NXPE2: variants seen among roughly 807,000 people sequenced by gnomAD.
The protein encoded by NXPE2 is neurexophilin and PC-esterase domain family member 2.
Under a neutral mutation model 34.4 loss-of-function variants are expected in NXPE2, and 34 were observed. That is an observed-to-expected ratio of 0.99 (90% CI 0.75 to 1.31). The LOEUF (loss-of-function observed/expected upper bound fraction) is 1.31, where lower values mean the gene tolerates loss of function less well. NXPE2 is among the 40% of genes most tolerant of loss of function. The pLI is 0.00. For synonymous variants in NXPE2, 235 were observed against 231.3 expected (o/e 1.02, Z -0.15); for missense variants, 649 against 672.5 (o/e 0.97, Z 0.39).
At chr11:114,607,901 C>G in the NXPE2 span, among the ~76,000 whole-genome samples, 1 of 151,962 alleles carries the variant, frequency 6.6e-6, no homozygotes, top group Admixed American at 6.6e-5. Flanking sequence ...CGTGGGTAAC[C>G]ACAGTTACCC....
At chr11:114,712,275 A>C in the NXPE2 span, among the ~76,000 whole-genome samples, 4 of 152,192 alleles carry the variant, frequency 2.6e-5, no homozygotes, top group African/African-American at 4.8e-5. Context: ...ACAAAATAAA[A>C]AAACAAACAA....
chr11:114,621,156 C>G, the NXPE2 span, among the ~76,000 whole-genome samples: 74 of 152,260 alleles, frequency 4.9e-4, no homozygotes, highest in African/African-American at 1.8e-3. Flanking sequence ...AACACTGTTA[C>G]CCAGTGGATA....
At chr11:114,662,350 G>C in the NXPE2 span, among the ~76,000 whole-genome samples, 4 of 152,132 alleles carry the variant, frequency 2.6e-5, no homozygotes, top group African/African-American at 9.7e-5. Context: ...ATTTAAACCA[G>C]CCCTAGCCAG....
At chr11:114,695,900 C>T (rs1468111055) in intron 2 of NXPE2, among the ~76,000 whole-genome samples, 1 of 149,948 alleles carries the variant, frequency 6.7e-6, no homozygotes, top group Non-Finnish European at 1.5e-5. Flanking sequence ...CACCTGTAAT[C>T]CCAGCTACTC....
At chr11:114,791,259 T>G in the NXPE2 span, among the ~76,000 whole-genome samples, 1 of 152,102 alleles carries the variant, frequency 6.6e-6, no homozygotes, top group South Asian at 2.1e-4. Flanking sequence ...TCTTACAGAC[T>G]CTTTAAAATG....
At chr11:114,505,192 A>G in the NXPE2 span, among the ~76,000 whole-genome samples, 2 of 152,132 alleles carry the variant, frequency 1.3e-5, no homozygotes, top group Admixed American at 6.5e-5. Context: ...AAAAAAAAGG[A>G]ATGAACAAAA....
chr11:114,563,279 C>T, the NXPE2 span, among the ~76,000 whole-genome samples: 3 of 152,184 alleles, frequency 2.0e-5, no homozygotes, highest in Non-Finnish European at 2.9e-5. Context: ...ACTAATCCCT[C>T]ATCTCTCTTT....
At chr11:114,726,335 A>C in the NXPE2 span, among the ~76,000 whole-genome samples, 1 of 151,968 alleles carries the variant, frequency 6.6e-6, no homozygotes, top group Non-Finnish European at 1.5e-5. Context: ...TAATATGCTT[A>C]GGAAATTTTC....
At chr11:114,615,204 C>A in the NXPE2 span, among the ~76,000 whole-genome samples, 1 of 151,948 alleles carries the variant, frequency 6.6e-6, no homozygotes, top group African/African-American at 2.4e-5. Flanking sequence ...CCACTGTTAG[C>A]CGGTGGATAC....
the NXPE2 span, among the ~76,000 whole-genome samples, chr11:114,803,879 C>A: frequency 1.3e-5 from 2 of 152,134 alleles, no homozygotes; most frequent in Non-Finnish European, 2.9e-5. Context: ...TGCCCGCCCC[C>A]CTCAGGTCTC....
chr11:114,715,160 T>C, the NXPE2 span, among the ~76,000 whole-genome samples: 1 of 152,212 alleles, frequency 6.6e-6, no homozygotes, highest in Non-Finnish European at 1.5e-5. Flanking sequence ...TGTGGACAGA[T>C]TTTATTGCTA....
At chr11:114,806,536 C>G in the NXPE2 span, among the ~76,000 whole-genome samples, 1 of 152,236 alleles carries the variant, frequency 6.6e-6, no homozygotes, top group Middle Eastern at 3.4e-3. Flanking sequence ...GGCACGAGAG[C>G]TACATGACGA....
At chr11:114,538,614 G>A in the NXPE2 span, among the ~76,000 whole-genome samples, 1 of 152,262 alleles carries the variant, frequency 6.6e-6, no homozygotes, top group East Asian at 1.9e-4. Flanking sequence ...TAAAAAGTGG[G>A]CGAAGGATAT....
chr11:114,609,532 ACT>A, the NXPE2 span, among the ~76,000 whole-genome samples: 1 of 151,870 alleles, frequency 6.6e-6, no homozygotes, highest in Non-Finnish European at 1.5e-5. Flanking sequence ...GTGGGTAACC[ACT>A]GTTACCCAAT....
chr11:114,807,692 C>T, the NXPE2 span, among the ~76,000 whole-genome samples: 11 of 150,708 alleles, frequency 7.3e-5, no homozygotes, highest in Admixed American at 6.6e-4. Flanking sequence ...ATTCATAAAG[C>T]AAGTCCTTAG....
chr11:114,729,144 C>T, the NXPE2 span, among the ~76,000 whole-genome samples: 1 of 152,058 alleles, frequency 6.6e-6, no homozygotes, highest in African/African-American at 2.4e-5. Flanking sequence ...GTTTAGCTCC[C>T]ACTTATAAGT....
the NXPE2 span, among the ~76,000 whole-genome samples, chr11:114,619,116 G>C: frequency 3.3e-5 from 5 of 152,214 alleles, no homozygotes; most frequent in East Asian, 7.7e-4. Context: ...TGGATAATAA[G>C]TGTTGCCTCG....
chr11:114,577,022 TATATAC>T, the NXPE2 span, among the ~76,000 whole-genome samples: 1 of 27,246 alleles, frequency 3.7e-5, no homozygotes, highest in Non-Finnish European at 6.3e-5. Context: ...TATATATATA[TATATAC>T]ATATATATAT....
At chr11:114,498,572 C>T in the NXPE2 span, among the ~76,000 whole-genome samples, 1 of 152,024 alleles carries the variant, frequency 6.6e-6, no homozygotes, top group Non-Finnish European at 1.5e-5. Flanking sequence ...AATGAGAGTG[C>T]ACTCTGTATT....
Sources: allele counts gnomAD v4.1 joint callset (sites outside exome capture counted in the v4.1 genomes callset), GRCh38; gene constraint gnomAD v4.1.1; transcripts MANE v1.5; gene names NCBI Gene and HGNC (gene_info 2026-07-23, HGNC 2026-07-21).